The following PRR5 variants were observed in gnomAD, a reference collection of about 807,000 sequenced individuals.
PRR5 encodes the protein proline-rich protein 5.
Under a neutral mutation model 30.6 loss-of-function variants are expected in PRR5, and 25 were observed. The observed-to-expected ratio is 0.82, with a 90% CI of 0.60 to 1.14. The LOEUF is 1.14. Among genes scored for constraint, PRR5 ranks in the 50% most tolerant of loss-of-function variants. The probability of loss-of-function intolerance (pLI) is 0.00; values close to 1 mark genes in which losing one functional copy is unlikely to be tolerated. For missense variants in PRR5, 600 were observed against 547.1 expected, an observed-to-expected ratio of 1.10 and a Z score of -0.96; for synonymous variants, 286 against 247.1, an observed-to-expected ratio of 1.16 and a Z score of -1.48.
upstream of PRR5, among the ~76,000 whole-genome samples, chr22:44,672,573 G>A (rs548419446): frequency 1.4e-4 from 22 of 152,292 alleles, no homozygotes; most frequent in South Asian, 8.3e-4. Flanking sequence ...AAGACAGAGC[G>A]AGACACCGTC....
chr22:44,681,379 G>A (rs1372297514), intron 1 of PRR5, among the ~76,000 whole-genome samples: 1 of 152,180 alleles, frequency 6.6e-6, no homozygotes, highest in Non-Finnish European at 1.5e-5. Flanking sequence ...CATGAGGTCA[G>A]CAGTTTGAGA....
chr22:44,734,922 G>T, intron 6 of PRR5, 105 bp from the exon 7 acceptor site: 1 of 1,413,506 alleles, frequency 7.1e-7, no homozygotes, highest in South Asian at 1.3e-5. Context: ...TGGGGAGGCG[G>T]GAGGCAGAGG....
intron 1 of PRR5, among the ~76,000 whole-genome samples, chr22:44,685,315 A>G (rs915977740): frequency 6.6e-6 from 1 of 152,188 alleles, no homozygotes; most frequent in African/African-American, 2.4e-5. Flanking sequence ...ACCATCTGTA[A>G]AATGGACAGT....
chr22:44,729,336 C>G (rs1475501264), intron 4 of PRR5: 8 of 984,342 alleles, frequency 8.1e-6, no homozygotes, highest in Middle Eastern at 5.2e-4. Context: ...GCCCTCAGCA[C>G]TCGGATAAAG....
At chr22:44,711,339 G>A (rs1431641021) in intron 1 of PRR5, among the ~76,000 whole-genome samples, 3 of 152,170 alleles carry the variant, frequency 2.0e-5, no homozygotes, top group Admixed American at 6.5e-5. Context: ...AGAGGGAACA[G>A]CAGGATGGAG....
chr22:44,730,637 T>C, intron 4 of PRR5: 6 of 1,028,418 alleles, frequency 5.8e-6, no homozygotes, highest in Non-Finnish European at 7.0e-6. Context: ...TGTGTCCCCA[T>C]ACCACTACGT....
chr22:44,725,527 A>G (rs1415604371), intron 3 of PRR5, among the ~76,000 whole-genome samples: 3 of 151,876 alleles, frequency 2.0e-5, no homozygotes, highest in African/African-American at 4.8e-5. Context: ...CTGGAGTGCA[A>G]TGGCGTGATC....
intron 1 of PRR5, chr22:44,668,881 GA>G (rs1347195529): frequency 6.7e-6 from 1 of 149,486 alleles, no homozygotes; most frequent in Non-Finnish European, 1.5e-5. Context: ...CGGCACGCGC[GA>G]CCCTGCGGAA....
At chr22:44,721,849 G>A (rs780612089) in intron 2 of PRR5, among the ~76,000 whole-genome samples, 7 of 152,196 alleles carry the variant, frequency 4.6e-5, no homozygotes, top group East Asian at 1.9e-4. Context: ...AGACGCCCTC[G>A]GGTTCAGCCT....
intron 2 of PRR5, among the ~76,000 whole-genome samples, chr22:44,717,707 C>T (rs531365949): frequency 3.3e-5 from 5 of 151,978 alleles, no homozygotes; most frequent in African/African-American, 1.2e-4. Flanking sequence ...GAGTACTTAC[C>T]CCTGCTTTGC....
At chr22:44,716,952 C>T (rs1453417835) in intron 2 of PRR5, among the ~76,000 whole-genome samples, 6 of 152,016 alleles carry the variant, frequency 3.9e-5, no homozygotes, top group South Asian at 2.1e-4. Context: ...GTACCAGCTA[C>T]TCAGGAGGCT....
At chr22:44,724,652 T>A (rs1379440108) in intron 2 of PRR5, among the ~76,000 whole-genome samples, 1 of 152,044 alleles carries the variant, frequency 6.6e-6, no homozygotes, top group East Asian at 1.9e-4. Context: ...CAGTGTTGAG[T>A]GCCAAGGTGG....
intron 5 of PRR5, 24 bp downstream of exon 5, chr22:44,731,845 G>A: frequency 1.2e-6 from 2 of 1,606,760 alleles, no homozygotes; most frequent in Non-Finnish European, 1.7e-6. Flanking sequence ...CCCTGGGGAG[G>A]GAAGCCCAGT....
upstream of PRR5, among the ~76,000 whole-genome samples, chr22:44,700,995 G>A (rs1926219169): frequency 6.6e-6 from 1 of 152,172 alleles, no homozygotes; most frequent in African/African-American, 2.4e-5. Flanking sequence ...CGATTCTCCT[G>A]TCTCAGCCTC....
chr22:44,733,783 C>G (rs2147181951), intron 6 of PRR5, among the ~76,000 whole-genome samples: 1 of 152,262 alleles, frequency 6.6e-6, no homozygotes, highest in South Asian at 2.1e-4. Context: ...TGGAGTCCCA[C>G]CTACTCATTG....
intron 4 of PRR5, chr22:44,730,835 G>A: frequency 2.2e-6 from 1 of 449,902 alleles, no homozygotes; most frequent in Non-Finnish European, 4.2e-6. Context: ...TGACTGTGGT[G>A]CACCCTTTCC....
chr22:44,726,722 G>T (rs1210590472), intron 4 of PRR5, 88 bp downstream of exon 4: 10 of 1,592,998 alleles, frequency 6.3e-6, no homozygotes, highest in Non-Finnish European at 7.7e-6. Flanking sequence ...GGGGGCCTCT[G>T]GGTGCAAGGT....
intron 1 of PRR5, chr22:44,679,556 A>C (rs570754833): frequency 1.4e-5 from 5 of 346,726 alleles, no homozygotes; most frequent in Non-Finnish European, 2.7e-5. Context: ...AATACAAAAA[A>C]ATTAGCTAGG....
intron 6 of PRR5, chr22:44,734,677 G>A (rs1246805915): frequency 4.3e-6 from 1 of 231,908 alleles, no homozygotes; most frequent in East Asian, 9.5e-5. Context: ...GGGTCAGCCA[G>A]TGTCTCTGGA....
Sources: allele counts gnomAD v4.1 joint callset (sites outside exome capture counted in the v4.1 genomes callset), GRCh38; gene constraint gnomAD v4.1.1; transcripts MANE v1.5; gene names NCBI Gene and HGNC (gene_info 2026-07-23, HGNC 2026-07-21).